Variants in SND1 observed in about 807,000 individuals in gnomAD.
SND1 encodes the protein staphylococcal nuclease and tudor domain containing 1.
SND1 carries 38 observed loss-of-function variants against 121.7 expected under a neutral mutation model. The observed-to-expected ratio is 0.31, with a 90% CI of 0.24 to 0.41. SND1 has a LOEUF of 0.41. Ranked by LOEUF, SND1 falls within the 10% of genes least tolerant of loss-of-function variation. The pLI, the probability that SND1 is intolerant of heterozygous loss-of-function variation, is 1.00. For synonymous variants in SND1, 401 were observed against 447.4 expected, an observed-to-expected ratio of 0.90 and a Z score of 1.31; for missense variants, 868 against 1,184.6, an observed-to-expected ratio of 0.73 and a Z score of 3.92.
chr7:127,817,469 G>T (rs995418801), intron 11 of SND1, among the ~76,000 whole-genome samples: 2 of 152,078 alleles, frequency 1.3e-5, no homozygotes, highest in African/African-American at 4.8e-5. Flanking sequence ...CTTTCAAAAT[G>T]CGTAGACCTG....
At chr7:128,076,594 G>A (rs1253638901) in intron 17 of SND1, among the ~76,000 whole-genome samples, 2 of 152,170 alleles carry the variant, frequency 1.3e-5, no homozygotes, top group Non-Finnish European at 2.9e-5. Context: ...CCGGCTGGGG[G>A]ACAGTAACCT....
chr7:127,854,700 G>A (rs1331936668), intron 12 of SND1, among the ~76,000 whole-genome samples: 1 of 151,922 alleles, frequency 6.6e-6, no homozygotes, highest in East Asian at 1.9e-4. Context: ...GGGGGCATTT[G>A]ACATGGTTAC....
chr7:128,007,070 A>T (rs1802997111), intron 16 of SND1, among the ~76,000 whole-genome samples: 1 of 152,210 alleles, frequency 6.6e-6, no homozygotes, highest in African/African-American at 2.4e-5. Context: ...GCTCTGCAGT[A>T]TGCGGATGCC....
chr7:127,797,236 T>G (rs1452821561), intron 10 of SND1, among the ~76,000 whole-genome samples: 1 of 152,160 alleles, frequency 6.6e-6, no homozygotes, highest in African/African-American at 2.4e-5. Context: ...AGCCACCAAG[T>G]AGGAGGCCAG....
chr7:127,905,549 G>A (rs1800317618), intron 14 of SND1, among the ~76,000 whole-genome samples: 1 of 152,128 alleles, frequency 6.6e-6, no homozygotes, highest in Non-Finnish European at 1.5e-5. Flanking sequence ...GAAAACTACT[G>A]AAGTCCCTGC....
At chr7:127,880,123 G>A (rs893234748) in intron 12 of SND1, among the ~76,000 whole-genome samples, 8 of 152,186 alleles carry the variant, frequency 5.3e-5, no homozygotes, top group Admixed American at 5.2e-4. Context: ...TCACCTTCCA[G>A]CGTAGGCTAT....
chr7:127,969,017 G>A (rs1007244793), intron 15 of SND1, among the ~76,000 whole-genome samples: 4 of 152,096 alleles, frequency 2.6e-5, no homozygotes, highest in African/African-American at 9.7e-5. Context: ...CCTCCTGCAC[G>A]TCCTTCTCTA....
intron 15 of SND1, among the ~76,000 whole-genome samples, chr7:127,968,867 C>T (rs946993534): frequency 4.6e-5 from 7 of 152,168 alleles, no homozygotes; most frequent in Non-Finnish European, 8.8e-5. Flanking sequence ...TGTTTTTGCC[C>T]CCAACTCCCC....
chr7:128,081,210 C>G lies in SND1; in HGVS notation c.1969-150C>G, dbSNP rs565486658. 8.3e-6 allele frequency: 7 copies of G among 840,432 alleles called. No homozygotes were observed. The South Asian group carries it at 1.2e-4, about 14-fold the overall frequency. The allele number at this position is 840,432 out of a possible 1,614,324, so 52.1% of individuals were successfully genotyped here. On this transcript the variant is annotated intron_variant, in intron 17 of 23. Coordinates refer to ENST00000354725, the MANE Select transcript of SND1 (RefSeq NM_014390.4). Reference sequence around the variant, plus strand: ...ATAGAGTTTCACCATATTGGCCAGTCTGGTCTTGAACTCCTAACCTCGTGA... The same window carrying G: ...ATAGAGTTTCACCATATTGGCCAGTGTGGTCTTGAACTCCTAACCTCGTGA...
At chr7:127,753,840 T>C (rs578043868) in intron 10 of SND1, among the ~76,000 whole-genome samples, 2 of 152,298 alleles carry the variant, frequency 1.3e-5, no homozygotes, top group Admixed American at 1.3e-4. Flanking sequence ...TTTGTAACAA[T>C]TGATTACCGC....
rs538493141 is a variant in SND1 at position 128,020,639 on chromosome 7, G to A, written c.1779+29583G>A. Among the ~76,000 whole-genome samples the A allele has an allele frequency of 2.0e-5, 3 of 152,280 alleles. No homozygotes were observed. The East Asian group carries it at 5.8e-4, about 29-fold the overall frequency. ...CAGTGTCAATTGTCATCCCCAGGTC[G>A]GCCAGCCTCGATAACATACCCAGAA... On this transcript the variant is annotated intron_variant, in intron 16 of 23. Coordinates refer to ENST00000354725, the MANE Select transcript of SND1 (RefSeq NM_014390.4).
At chr7:128,006,044 G>A (rs1377273560) in intron 16 of SND1, among the ~76,000 whole-genome samples, 1 of 152,208 alleles carries the variant, frequency 6.6e-6, no homozygotes, top group African/African-American at 2.4e-5. Context: ...CCCTTCATGA[G>A]CCTTCAAGTA....
chr7:127,748,558 C>G (rs1222814849), intron 10 of SND1, among the ~76,000 whole-genome samples: 1 of 152,204 alleles, frequency 6.6e-6, no homozygotes, highest in South Asian at 2.1e-4. Context: ...TGAAATATTT[C>G]TTCTTCCCCT....
chr7:127,721,090 A>T (rs978812838), intron 9 of SND1, among the ~76,000 whole-genome samples, 197 bp from the exon 10 acceptor site: 2 of 152,230 alleles, frequency 1.3e-5, no homozygotes, highest in Admixed American at 1.3e-4. Flanking sequence ...CTCATTGAGA[A>T]ATCATAATAA....
intron 15 of SND1, among the ~76,000 whole-genome samples, chr7:127,976,538 G>A (rs899063961): frequency 1.3e-5 from 2 of 152,244 alleles, no homozygotes; most frequent in Admixed American, 6.5e-5. Flanking sequence ...CTTCCGTTGA[G>A]TGCACTGCTG....
At chr7:127,699,830 G>A (rs1309290092) in intron 4 of SND1, among the ~76,000 whole-genome samples, 1 of 152,184 alleles carries the variant, frequency 6.6e-6, no homozygotes, top group African/African-American at 2.4e-5. Context: ...AAAGGCTTTA[G>A]AGAAACATTT....
At chr7:127,850,856 A>G (rs1050416463) in intron 12 of SND1, among the ~76,000 whole-genome samples, 1 of 152,220 alleles carries the variant, frequency 6.6e-6, no homozygotes, top group Non-Finnish European at 1.5e-5. Flanking sequence ...AAGTAGTTGA[A>G]TAACTAGGCC....
chr7:127,886,703 C>G (rs2116728962), intron 12 of SND1, among the ~76,000 whole-genome samples: 1 of 151,572 alleles, frequency 6.6e-6, no homozygotes, highest in Middle Eastern at 3.4e-3. Flanking sequence ...AACAAAGTTC[C>G]CTTTCCAGGT....
chr7:127,991,210 T>C (rs180794861), intron 16 of SND1, among the ~76,000 whole-genome samples, 154 bp downstream of exon 16: 3 of 152,238 alleles, frequency 2.0e-5, no homozygotes, highest in African/African-American at 7.2e-5. Context: ...CTTATTTCCC[T>C]GAGCGCTGCT....
Sources: allele counts gnomAD v4.1 joint callset (sites outside exome capture counted in the v4.1 genomes callset), GRCh38; gene constraint gnomAD v4.1.1; transcripts MANE v1.5; gene names NCBI Gene and HGNC (gene_info 2026-07-23, HGNC 2026-07-21).